CCDC57: variants seen among roughly 807,000 people sequenced by gnomAD.
CCDC57 encodes the protein coiled-coil domain containing 57, also known as coiled-coil domain-containing protein 57.
In CCDC57, 118 loss-of-function variants were observed where a neutral mutation model predicts 118.9. That is an observed-to-expected ratio of 0.99 (90% CI 0.86 to 1.16). CCDC57 has a LOEUF of 1.16. Ranked by LOEUF, CCDC57 falls within the 50% of genes most tolerant of loss-of-function variation. CCDC57 has a pLI of 0.00. For synonymous variants in CCDC57, 527 were observed against 532.9 expected (o/e 0.99, Z 0.15); for missense variants, 1,300 against 1,320.7 (o/e 0.98, Z 0.24).
At chr17:82,186,021 C>T (rs1260397543) in intron 8 of CCDC57, among the ~76,000 whole-genome samples, 1 of 151,942 alleles carries the variant, frequency 6.6e-6, no homozygotes, top group Non-Finnish European at 1.5e-5. Flanking sequence ...TTTGGGTAGA[C>T]ATAGGGTCTT....
At chr17:82,111,335 C>T (rs1945011221) in intron 19 of CCDC57, among the ~76,000 whole-genome samples, 1 of 134,118 alleles carries the variant, frequency 7.5e-6, no homozygotes, top group Non-Finnish European at 1.6e-5. Context: ...TCTCCTGACC[C>T]TCGTGATCCA....
rs887324457 is a variant in CCDC57 at position 82,192,320 on chromosome 17, A to C, written c.851+1436T>G. ...TACTTTAAGAATCAGCATAGGATAC[A>C]CACAACATGCCCAATGTGTGTTAAT... On this transcript the variant is annotated intron_variant, in intron 7 of 19. Transcript: ENST00000665763. This position sits in a 1 kb window ranked among gnomAD's most constrained non-coding sequence, Gnocchi z 4.0. Among the ~76,000 whole-genome samples the C allele has an allele frequency of 6.6e-6, 1 of 152,174 alleles. No homozygotes were observed. The highest frequency in any genetic ancestry group is 2.4e-5 in the African/African-American group (1 of 41,436).
intron 16 of CCDC57, among the ~76,000 whole-genome samples, chr17:82,141,455 G>C (rs533798584): frequency 6.6e-6 from 1 of 152,218 alleles, no homozygotes; most frequent in South Asian, 2.1e-4. Flanking sequence ...CAAAGTGTTG[G>C]GATTACAGGC....
At chr17:82,143,226 G>C (rs2040258493) in intron 16 of CCDC57, among the ~76,000 whole-genome samples, 1 of 151,576 alleles carries the variant, frequency 6.6e-6, no homozygotes, top group African/African-American at 2.4e-5. Flanking sequence ...AAAACCTCTG[G>C]GGCTTGGCCA....
At chr17:82,127,392 T>C in intron 19 of CCDC57, 2 of 977,658 alleles carry the variant, frequency 2.0e-6, no homozygotes, top group Non-Finnish European at 2.4e-6. Context: ...CAGTGCTCCA[T>C]TCTAAGTCAG....
At chr17:82,120,631 G>A (rs180682233) in intron 19 of CCDC57, among the ~76,000 whole-genome samples, 1 of 152,298 alleles carries the variant, frequency 6.6e-6, no homozygotes, top group Non-Finnish European at 1.5e-5. Flanking sequence ...CAAAACACAA[G>A]GAAAGCATCA....
chr17:82,168,155 C>A (rs145581632), intron 13 of CCDC57, among the ~76,000 whole-genome samples: 45 of 152,326 alleles, frequency 3.0e-4, no homozygotes, highest in African/African-American at 9.6e-4. Context: ...TATGGGTTGA[C>A]AGTTTTTTGC....
At chr17:82,144,889 G>A (rs543450123) in intron 16 of CCDC57, among the ~76,000 whole-genome samples, 1 of 151,908 alleles carries the variant, frequency 6.6e-6, no homozygotes, top group African/African-American at 2.4e-5. Context: ...ATGACATGAC[G>A]ATAAAATACA....
chr17:82,103,782 TC>T (rs2034639327), intron 19 of CCDC57, among the ~76,000 whole-genome samples: 1 of 151,822 alleles, frequency 6.6e-6, no homozygotes, highest in African/African-American at 2.4e-5. Context: ...CCTGGCTGTA[TC>T]CCGGGGCGAA....
intron 13 of CCDC57, among the ~76,000 whole-genome samples, chr17:82,163,937 G>A (rs6502075): frequency 0.47 from 71,079 of 151,990 alleles, 17,431 homozygotes; most frequent in East Asian, 0.88. Flanking sequence ...CACGTTGGGA[G>A]GCTGAGGCAG....
chr17:82,116,293 G>A (rs2035909491), intron 19 of CCDC57, among the ~76,000 whole-genome samples: 1 of 151,860 alleles, frequency 6.6e-6, no homozygotes, highest in Admixed American at 6.6e-5. Context: ...GAGGGTGGGA[G>A]GCAGGGGGGC....
chr17:82,195,461 C>CA, intron 4 of CCDC57, 97 bp from the exon 4 acceptor site: 1 of 878,176 alleles, frequency 1.1e-6, no homozygotes, highest in South Asian at 1.4e-5. Flanking sequence ...GAGCAGGACA[C>CA]AGTGTTTAAC....
chr17:82,185,768 C>G (rs986182485), intron 8 of CCDC57, among the ~76,000 whole-genome samples: 2 of 152,002 alleles, frequency 1.3e-5, no homozygotes, highest in Non-Finnish European at 2.9e-5. Context: ...ATAATCCCAG[C>G]ACTTTGGGAG....
At chr17:82,158,085 ATGCAACTGCCCTCAGCCCTC>A in intron 14 of CCDC57, 137 bp from the exon 14 acceptor site, 1 of 1,441,530 alleles carries the variant, frequency 6.9e-7, no homozygotes, top group East Asian at 2.5e-5. Flanking sequence ...CCCCAGCTGG[ATGCAACTGCCCTCAGCCCTC>A]TGCCCCCAAC....
At chr17:82,113,650 C>G (rs897804455) in intron 19 of CCDC57, 3 of 717,190 alleles carry the variant, frequency 4.2e-6, no homozygotes, top group Non-Finnish European at 5.2e-6. Context: ...CACTCCACGC[C>G]AGGCTGGGCG....
Position 82,172,558 on chromosome 17 carries a change from A to G in CCDC57, c.1729+80T>C. 1 of 1,238,396 alleles carries G rather than the reference A, an allele frequency of 8.1e-7. No homozygotes were observed. Among genetic ancestry groups the G allele is most frequent in the Non-Finnish European group, 1.2e-6 (1 of 866,466 alleles). 76.7% of individuals were successfully genotyped at this position (1,238,396 alleles called of 1,614,324 possible). On this transcript the variant is annotated intron_variant, in intron 12 of 19. Transcript: ENST00000665763. This position sits in a 1 kb window ranked among gnomAD's most constrained non-coding sequence, Gnocchi z 5.2. ...AAATGAAGCCTCCTTGAAGCCAGTC[A>G]AGACCCATGCTCCCGTCTGTCCTCC...
chr17:82,178,039 A>T (rs1032888483), intron 11 of CCDC57, among the ~76,000 whole-genome samples: 1 of 152,122 alleles, frequency 6.6e-6, no homozygotes, highest in South Asian at 2.1e-4. Context: ...CATGGTGCCA[A>T]CCTCCAAGAT....
intron 19 of CCDC57, among the ~76,000 whole-genome samples, chr17:82,114,109 A>T (rs1387302451): frequency 6.6e-6 from 1 of 152,204 alleles, no homozygotes; most frequent in Non-Finnish European, 1.5e-5. Flanking sequence ...GAGTGACGCC[A>T]CAGATGGAAG....
intron 16 of CCDC57, among the ~76,000 whole-genome samples, chr17:82,143,620 T>C (rs1217451912): frequency 6.6e-6 from 1 of 152,164 alleles, no homozygotes; most frequent in Non-Finnish European, 1.5e-5. Context: ...AAGAAAGCAG[T>C]GTTTGAAAAA....
Sources: allele counts gnomAD v4.1 joint callset (sites outside exome capture counted in the v4.1 genomes callset), GRCh38; gene constraint gnomAD v4.1.1; non-coding constraint Gnocchi (gnomAD v3.1); transcripts MANE v1.5; gene names NCBI Gene and HGNC (gene_info 2026-07-23, HGNC 2026-07-21).